MYO1A: variants seen among roughly 807,000 people sequenced by gnomAD.
The protein encoded by MYO1A is myosin IA.
MYO1A carries 127 observed loss-of-function variants against 138.5 expected under a neutral mutation model. That is an observed-to-expected ratio of 0.92 (90% CI 0.79 to 1.06). The LOEUF (loss-of-function observed/expected upper bound fraction) is 1.06, where lower values mean the gene tolerates loss of function less well. Among genes scored for constraint, MYO1A ranks in the 50% least tolerant of loss-of-function variants. The pLI is 0.00. For missense variants in MYO1A, 1,211 were observed against 1,288.8 expected (o/e 0.94, Z 0.92); for synonymous variants, 477 against 497.5 (o/e 0.96, Z 0.55).
intron 21 of MYO1A, 84 bp downstream of exon 21, chr12:57,036,688 G>T: frequency 2.0e-6 from 3 of 1,517,030 alleles, no homozygotes; most frequent in South Asian, 2.2e-5. Context: ...GTGCAGGCAG[G>T]ACTAGCTCTC....
intron 24 of MYO1A, 123 bp from the exon 25 acceptor site, chr12:57,029,995 A>G: frequency 6.6e-7 from 1 of 1,506,688 alleles, no homozygotes; most frequent in Non-Finnish European, 9.2e-7. Flanking sequence ...GTCAGTGTCC[A>G]CAGAGCACAG....
intron 22 of MYO1A, among the ~76,000 whole-genome samples, chr12:57,033,554 T>G (rs2030391340): frequency 6.6e-6 from 1 of 152,010 alleles, no homozygotes; most frequent in Non-Finnish European, 1.5e-5. Context: ...AGTCTAGGTC[T>G]CACTATGTTG....
In MYO1A at chr12:57,044,079, C is replaced by T. The variant is rs189415838; in HGVS notation, c.744+27G>A. 4 of 1,614,122 alleles carry T rather than the reference C, an allele frequency of 2.5e-6. No homozygotes were observed. The African/African-American group carries it at 5.3e-5, about 22-fold the overall frequency. The stretch of plus-strand genomic sequence containing the variant: ...GCGAATAGAGGATGACCTAAGGGCC[C>T]AAGCCTGCCTCACCCTGGGCACCCA... On this transcript the variant is annotated intron_variant, in intron 9 of 27. Coordinates refer to ENST00000300119, the MANE Select transcript of MYO1A (RefSeq NM_005379.4).
chr12:57,039,274 C>A lies in MYO1A; in HGVS notation c.1270G>T (p.Gly424Cys). The change falls in exon 15 of 28, where the codon GGC becomes TGC. Residue 424 changes from glycine to cysteine, a missense_variant and splice_region_variant. By Grantham distance (159) the Gly-to-Cys change is radical (BLOSUM62 -3). Transcript: ENST00000300119. The stretch of plus-strand genomic sequence containing the variant: ...TAGTCCACCTTTGTCCACGGTATGC[C>A]CTGGTCAGGGGAGACAACAAATTAC... Reference protein sequence around the residue: ...KEEQEEYKREGIPWTKVDYFD... With the variant: ...KEEQEEYKRECIPWTKVDYFD... The A allele has an allele frequency of 6.2e-7, 1 of 1,613,654 alleles. No individual in the cohort carries two copies. Among genetic ancestry groups the A allele is most frequent in the South Asian group, 1.1e-5 (1 of 91,052 alleles).
chr12:57,035,250 T>C (rs780857366), intron 22 of MYO1A, among the ~76,000 whole-genome samples: 1 of 152,014 alleles, frequency 6.6e-6, no homozygotes, highest in African/African-American at 2.4e-5. Context: ...GTCTCAGGTG[T>C]GTAGCAAGAA....
At chr12:57,046,732 T>A in intron 7 of MYO1A, 82 bp from the exon 8 acceptor site, 1 of 1,463,170 alleles carries the variant, frequency 6.8e-7, no homozygotes, top group South Asian at 1.1e-5. Flanking sequence ...AATGCCCCCA[T>A]CGCCGGCATT....
rs781536639 is a variant in MYO1A at position 57,043,079 on chromosome 12, C to G, written c.1091G>C (p.Ser364Thr). ...FDWIVNRINE[S>T]IKVGIGEKKK... ...AGCAGAGCGGCCACTTGCCTTGATGCTCTCATTGATTCGATTCACTATCCA... is the reference window on the plus strand; with the variant it reads ...AGCAGAGCGGCCACTTGCCTTGATGGTCTCATTGATTCGATTCACTATCCA... The change falls in exon 12 of 28, where the codon AGC (serine) becomes ACC (threonine). Residue 364 changes from serine to threonine, a missense_variant. Coordinates refer to ENST00000300119, the MANE Select transcript of MYO1A (RefSeq NM_005379.4). 2 of 1,614,020 alleles carry G rather than the reference C, an allele frequency of 1.2e-6. No individual in the cohort carries two copies. Among genetic ancestry groups the G allele is most frequent in the South Asian group, 1.1e-5 (1 of 91,090 alleles).
Position 57,036,387 on chromosome 12 carries a change from A to G in MYO1A, c.2275-6T>C, listed in dbSNP as rs2030546709. On this transcript the variant is annotated splice_polypyrimidine_tract_variant and splice_region_variant and intron_variant, in intron 21 of 27. Coordinates refer to ENST00000300119, the MANE Select transcript of MYO1A (RefSeq NM_005379.4). ...TTGCGATAATTCTTTCGGGCCTGGC[A>G]GAAAAGTACAAGAAAGGAGCCAAAG... 1 of 1,613,804 alleles carries G rather than the reference A, an allele frequency of 6.2e-7. No individual in the cohort carries two copies. The highest frequency in any genetic ancestry group is 8.5e-7 in the Non-Finnish European group (1 of 1,179,824).
chr12:57,029,369 C>T, intron 26 of MYO1A, 66 bp downstream of exon 26: 1 of 1,613,682 alleles, frequency 6.2e-7, no homozygotes, highest in Non-Finnish European at 8.5e-7. Flanking sequence ...CACCTCCAGC[C>T]TGCCCCAGCC....
chr12:57,034,989 TA>T (rs1424382877), intron 22 of MYO1A, among the ~76,000 whole-genome samples: 1 of 151,560 alleles, frequency 6.6e-6, no homozygotes, highest in African/African-American at 2.4e-5. Flanking sequence ...AATAAATAAA[TA>T]AAAATTAAAA....
chr12:57,029,975 C>A, intron 24 of MYO1A, 103 bp from the exon 25 acceptor site: 1 of 1,558,038 alleles, frequency 6.4e-7, no homozygotes, highest in Non-Finnish European at 8.8e-7. Flanking sequence ...CCCACATCCA[C>A]GTATCCTCTG....
At position 57,041,424 on chromosome 12, in the gene MYO1A, AC is replaced by A. The variant is rs1326429306; in HGVS notation, c.1164+7del. ...GGGGAGCAGGGTGCTGAGGTGAGGC[AC>A]TCTCACCTCTAATATCTCAAAACCG... is the stretch of plus-strand genomic sequence containing the variant. On this transcript the variant is annotated splice_region_variant and intron_variant, in intron 13 of 27. Coordinates refer to ENST00000300119, the MANE Select transcript of MYO1A (RefSeq NM_005379.4). 1.9e-6 allele frequency: 3 copies of A among 1,608,674 alleles called. No individual in the cohort carries two copies. Among genetic ancestry groups the A allele is most frequent in the Middle Eastern group, 1.7e-4 (1 of 6,052 alleles).
At chr12:57,029,993 C>T in intron 24 of MYO1A, 121 bp from the exon 25 acceptor site, 5 of 1,504,184 alleles carry the variant, frequency 3.3e-6, no homozygotes, top group South Asian at 2.3e-5. Flanking sequence ...CTGTCAGTGT[C>T]CACAGAGCAC....
chr12:57,037,180 A>C, intron 19 of MYO1A, 89 bp from the exon 20 acceptor site: 1 of 1,496,082 alleles, frequency 6.7e-7, no homozygotes, highest in Non-Finnish European at 9.2e-7. Context: ...GAGGCTTCCC[A>C]GCCAGGCCTT....
intron 21 of MYO1A, 122 bp from the exon 22 acceptor site, chr12:57,036,503 T>C (rs2030553934): frequency 2.7e-6 from 3 of 1,111,654 alleles, no homozygotes; most frequent in Non-Finnish European, 4.1e-6. Flanking sequence ...TAGCTGGAAG[T>C]TGGAAGTAAA....
intron 25 of MYO1A, 39 bp downstream of exon 25, chr12:57,029,701 G>A: frequency 6.2e-7 from 1 of 1,614,064 alleles, no homozygotes; most frequent in Non-Finnish European, 8.5e-7. Flanking sequence ...CCACAGCTCT[G>A]CACTAGCTGC....
In MYO1A at chr12:57,039,232, T is replaced by C; in HGVS notation, c.1312A>G (p.Ile438Val). 3 of 1,614,124 alleles carry C rather than the reference T, an allele frequency of 1.9e-6. No individual in the cohort carries two copies. Among genetic ancestry groups the C allele is most frequent in the Non-Finnish European group, 8.5e-7 (1 of 1,180,016 alleles). ...TKVDYFDNGI[I>V]CKLIEHNQRG... Reference sequence around the variant, plus strand: ...CTCACATGCTCAATGAGCTTACAAATGATGCCATTATCAAAGTAGTCCACC... The same window carrying C: ...CTCACATGCTCAATGAGCTTACAAACGATGCCATTATCAAAGTAGTCCACC... The change falls in exon 15 of 28, where the codon ATT becomes GTT. Residue 438 changes from isoleucine (I) to valine (V), a missense_variant. Physicochemically the swap from Ile to Val is conservative, Grantham distance 29 (BLOSUM62 3). Transcript: ENST00000300119.
rs565308574 is a variant in MYO1A, at chr12:57,046,930, C to G, written c.478-4G>C. 1.2e-5 allele frequency: 20 copies of G among 1,614,070 alleles called. No homozygotes were observed. The South Asian group carries it at 2.0e-4, about 16-fold the overall frequency. On this transcript the variant is annotated splice_region_variant and splice_polypyrimidine_tract_variant and intron_variant, in intron 6 of 27. Coordinates refer to ENST00000300119, the MANE Select transcript of MYO1A (RefSeq NM_005379.4). ...ATTCAATATCCATGTATTTTCCCTT[C>G]AGAGAGAGACCAGAGAGAGAGACTT...
rs2030587893 is a variant in MYO1A, at chr12:57,037,019, C to G, written c.2128G>C (p.Gly710Arg). 6 of 1,614,132 alleles carry G rather than the reference C, an allele frequency of 3.7e-6. No individual in the cohort carries two copies. Among genetic ancestry groups the G allele is most frequent in the Non-Finnish European group, 5.1e-6 (6 of 1,180,028 alleles). ...LATLIQKIYR[G>R]WRCRTHYQLM... is the part of the protein sequence containing the mutation. Reference sequence around the variant, plus strand: ...TGGTAGTGGGTGCGGCAGCGCCAGCCTCGGTAAATCTTCTGTATGAGTGTG... The same window carrying G: ...TGGTAGTGGGTGCGGCAGCGCCAGCGTCGGTAAATCTTCTGTATGAGTGTG... The change falls in exon 20 of 28, where the codon GGC becomes CGC. Residue 710 changes from glycine (G) to arginine (R), a missense_variant. Physicochemically the swap from Gly to Arg is moderately radical, Grantham distance 125. Transcript: ENST00000300119.
Sources: allele counts gnomAD v4.1 joint callset (sites outside exome capture counted in the v4.1 genomes callset), GRCh38; gene constraint gnomAD v4.1.1; transcripts MANE v1.5; gene names NCBI Gene and HGNC (gene_info 2026-07-23, HGNC 2026-07-21).